PC: variants seen among roughly 807,000 people sequenced by gnomAD.
PC encodes the protein pyruvate carboxylase, mitochondrial.
Under a neutral mutation model 107.8 loss-of-function variants are expected in PC, and 46 were observed. The observed-to-expected ratio is 0.43, with a 90% CI of 0.34 to 0.55. The LOEUF (loss-of-function observed/expected upper bound fraction) is 0.55. PC is among the 20% of genes least tolerant of loss of function. The pLI is 0.04. For missense variants in PC, 1,241 were observed against 1,643.1 expected, an observed-to-expected ratio of 0.76 and a Z score of 4.23; for synonymous variants, 662 against 684.7, an observed-to-expected ratio of 0.97 and a Z score of 0.52.
chr11:66,883,702 C>T (rs995012586), intron 3 of PC, among the ~76,000 whole-genome samples: 6 of 152,164 alleles, frequency 3.9e-5, no homozygotes, highest in Admixed American at 2.6e-4. Context: ...CTGTACAGTG[C>T]GTAAGACCAG....
At chr11:66,911,987 C>T (rs527981834) in intron 3 of PC, among the ~76,000 whole-genome samples, 6 of 149,218 alleles carry the variant, frequency 4.0e-5, no homozygotes, top group South Asian at 2.1e-4. Context: ...GAGCCAAAAT[C>T]GCGCCATTGC....
intron 3 of PC, among the ~76,000 whole-genome samples, chr11:66,899,236 TA>T (rs1281560101): frequency 3.3e-5 from 5 of 152,162 alleles, no homozygotes; most frequent in African/African-American, 1.2e-4. Context: ...TTCTTTCACT[TA>T]GCATATTGCT....
rs141562419 is a variant in PC at position 66,878,722 on chromosome 11, C to G, written c.1-6563G>C. Among the ~76,000 whole-genome samples the G allele has an allele frequency of 2.7e-3, 417 of 152,328 alleles. 14 individuals are homozygous for G. The East Asian group carries it at 0.067, about 24-fold the overall frequency. Reference sequence around the variant, plus strand: ...AGCGAAAGCAGGCCTAGACTTGAGGCCAAGAGGACTGTCCCCGGGGCACGG... The same window carrying G: ...AGCGAAAGCAGGCCTAGACTTGAGGGCAAGAGGACTGTCCCCGGGGCACGG... On this transcript the variant is annotated intron_variant, in intron 3 of 22. Coordinates refer to ENST00000393960, the MANE Select transcript of PC (RefSeq NM_001040716.2).
chr11:66,878,012 G>GA (rs143883950), intron 3 of PC, among the ~76,000 whole-genome samples: 1 of 151,736 alleles, frequency 6.6e-6, no homozygotes, highest in Non-Finnish European at 1.5e-5. Flanking sequence ...TTTATAATTA[G>GA]AAAAAAAAGA....
At position 66,857,769 on chromosome 11, in the gene PC, C is replaced by T. The variant is rs760733411; in HGVS notation, c.1369-4386G>A. 6.3e-7 allele frequency: 1 copy of T among 1,595,080 alleles called. No homozygotes were observed. The highest frequency in any genetic ancestry group is 1.1e-5 in the South Asian group (1 of 90,920). On this transcript the variant is annotated intron_variant, in intron 12 of 22. Coordinates refer to ENST00000393960, the MANE Select transcript of PC (RefSeq NM_001040716.2). The surrounding 1 kb of genome is among the most constrained non-coding windows in gnomAD (Gnocchi z 7.1). ...CATGGCCCCGCCGCTCCTGCTGCTGCTGCTGGCCAGTGGAGCGGCCGCCTG... is the reference window on the plus strand; with the variant it reads ...CATGGCCCCGCCGCTCCTGCTGCTGTTGCTGGCCAGTGGAGCGGCCGCCTG...
At chr11:66,884,920 T>G (rs866747796) in intron 3 of PC, among the ~76,000 whole-genome samples, 41 of 152,212 alleles carry the variant, frequency 2.7e-4, no homozygotes, top group African/African-American at 5.1e-4. Context: ...CAGCAGACAC[T>G]TGCAGGTGGC....
At chr11:66,890,889 T>G (rs1171873375) in intron 3 of PC, among the ~76,000 whole-genome samples, 1 of 152,094 alleles carries the variant, frequency 6.6e-6, no homozygotes, top group African/African-American at 2.4e-5. Context: ...GACAGGTACA[T>G]AGAGTTCATT....
intron 3 of PC, among the ~76,000 whole-genome samples, chr11:66,933,912 C>T (rs1948927071): frequency 6.6e-6 from 1 of 152,168 alleles, no homozygotes; most frequent in African/African-American, 2.4e-5. Flanking sequence ...AGCTGGGGTT[C>T]ACAGAATGAA....
chr11:66,912,345 G>A (rs1188509877), intron 3 of PC, among the ~76,000 whole-genome samples: 1 of 152,214 alleles, frequency 6.6e-6, no homozygotes, highest in Non-Finnish European at 1.5e-5. Flanking sequence ...GACTTGAGGA[G>A]GTGTAAGGGC....
Position 66,864,240 on chromosome 11 carries a change from G to A in PC, c.1186-284C>T, listed in dbSNP as rs78537760. On this transcript the variant is annotated intron_variant, in intron 11 of 22. Coordinates refer to ENST00000393960, the MANE Select transcript of PC (RefSeq NM_001040716.2). Reference sequence around the variant, plus strand: ...GAATGCCTGCCGCAGAGCGGGAGAGGGGCCCGGGCAGGCAGGGGCCAGCCC... The same window carrying A: ...GAATGCCTGCCGCAGAGCGGGAGAGAGGCCCGGGCAGGCAGGGGCCAGCCC... 2.7e-3 allele frequency among the ~76,000 whole-genome samples: 409 copies of A among 152,328 alleles called. 1 individual carries two copies. The highest frequency in any genetic ancestry group is 9.5e-3 in the African/African-American group (394 of 41,590).
chr11:66,864,726 C>T (rs1378164884), intron 11 of PC, among the ~76,000 whole-genome samples: 2 of 152,170 alleles, frequency 1.3e-5, no homozygotes, highest in African/African-American at 4.8e-5. Context: ...GGAGGGGCAG[C>T]GGAGAGGAGG....
At chr11:66,860,602 C>T (rs780742507) in intron 12 of PC, 4 of 701,268 alleles carry the variant, frequency 5.7e-6, no homozygotes, top group African/African-American at 1.7e-5. Context: ...AGCCTGGGGC[C>T]TCCTGGCTTC....
In PC at chr11:66,871,684, C is replaced by T. The variant is rs200175884; in HGVS notation, c.321+3G>A. ...CCAGGCCCAGCCAGGCCACTGGGCT[C>T]ACCTTGGCCACCTTGATGATGTCTG... On this transcript the variant is annotated splice_donor_region_variant and intron_variant, in intron 5 of 22. Transcript: ENST00000393960. This position sits in a 1 kb window ranked among gnomAD's most constrained non-coding sequence, Gnocchi z 7.4. 10 of 1,564,422 alleles carry T rather than the reference C, an allele frequency of 6.4e-6. No individual in the cohort carries two copies. The East Asian group carries it at 2.2e-4, about 34-fold the overall frequency.
chr11:66,928,611 C>T (rs1479365126), intron 3 of PC, among the ~76,000 whole-genome samples: 2 of 151,996 alleles, frequency 1.3e-5, no homozygotes, highest in Non-Finnish European at 2.9e-5. Flanking sequence ...CTGCAACCTC[C>T]GCCTCCCAGG....
rs566250615 is a variant in PC at position 66,952,488 on chromosome 11, A to G, written c.-39-20T>C. The G allele has an allele frequency of 4.6e-5, 7 of 152,370 alleles. No individual in the cohort carries two copies. Among genetic ancestry groups the G allele is most frequent in the African/African-American group, 1.4e-4 (6 of 41,574 alleles). 9.4% of individuals were successfully genotyped at this position (152,370 alleles called of 1,614,324 possible). A position where few individuals can be genotyped will look rare whatever the true frequency, so the allele number is the denominator to read the frequency against. On this transcript the variant is annotated intron_variant, in intron 2 of 22. Transcript: ENST00000393960. ...CACTATCTAAAGCAAAAGAAAAAAC[A>G]GCATTACCCTCATTGCTCCAGGAAC...
At chr11:66,890,775 G>A (rs1947547125) in intron 3 of PC, among the ~76,000 whole-genome samples, 2 of 152,054 alleles carry the variant, frequency 1.3e-5, no homozygotes, top group Admixed American at 6.5e-5. Context: ...AAAGCGCTGG[G>A]ATTACAGGCA....
chr11:66,881,304 A>G (rs1947181131), intron 3 of PC, among the ~76,000 whole-genome samples: 1 of 152,248 alleles, frequency 6.6e-6, no homozygotes, highest in Admixed American at 6.5e-5. Flanking sequence ...AAGAAATAAG[A>G]CAGCTTTGAC....
intron 3 of PC, among the ~76,000 whole-genome samples, chr11:66,916,497 G>A (rs1346891198): frequency 6.6e-6 from 1 of 152,182 alleles, no homozygotes; most frequent in Non-Finnish European, 1.5e-5. Context: ...AATTTCTGGG[G>A]GACCTGAGTT....
intron 3 of PC, among the ~76,000 whole-genome samples, chr11:66,920,309 G>A (rs570946665): frequency 2.0e-5 from 3 of 152,008 alleles, no homozygotes; most frequent in South Asian, 2.1e-4. Context: ...CCAGCACCCC[G>A]TCACCCTCCT....
Sources: allele counts gnomAD v4.1 joint callset (sites outside exome capture counted in the v4.1 genomes callset), GRCh38; gene constraint gnomAD v4.1.1; non-coding constraint Gnocchi (gnomAD v3.1); transcripts MANE v1.5; gene names NCBI Gene and HGNC (gene_info 2026-07-23, HGNC 2026-07-21).